Variants in NSMCE4A observed in about 807,000 individuals in gnomAD.
NSMCE4A encodes the protein NSE4A component of SMC5/6 complex.
Under a neutral mutation model 47.9 loss-of-function variants are expected in NSMCE4A, and 40 were observed. The observed-to-expected ratio is 0.83, with a 90% CI of 0.65 to 1.09. NSMCE4A has a LOEUF of 1.09. Among genes scored for constraint, NSMCE4A ranks in the 50% least tolerant of loss-of-function variants. NSMCE4A has a pLI of 0.00. For missense variants in NSMCE4A, 500 were observed against 507.0 expected (o/e 0.99, Z 0.13); for synonymous variants, 166 against 178.5 (o/e 0.93, Z 0.56).
rs965090875 is a variant in NSMCE4A at position 121,965,268 on chromosome 10, C to G, written c.753+18G>C. ...TAACTTTAATGTGTTTTTTTAAAAGCAACATTTTAAAACAAACCTGGGCAG... is the reference window on the plus strand; with the variant it reads ...TAACTTTAATGTGTTTTTTTAAAAGGAACATTTTAAAACAAACCTGGGCAG... On this transcript the variant is annotated intron_variant, in intron 5 of 10. Coordinates refer to ENST00000369023, the MANE Select transcript of NSMCE4A (RefSeq NM_017615.3). The G allele has an allele frequency of 1.7e-5, 26 of 1,547,656 alleles. No individual in the cohort carries two copies. Among genetic ancestry groups the G allele is most frequent in the Non-Finnish European group, 2.2e-5 (25 of 1,134,402 alleles).
intron 2 of NSMCE4A, 107 bp downstream of exon 2, chr10:121,973,897 G>A (rs2134796794): frequency 1.3e-6 from 1 of 743,272 alleles, no homozygotes; most frequent in Non-Finnish European, 2.3e-6. Context: ...AACTGGGAAA[G>A]CACTATTACA....
chr10:121,965,441 T>A, intron 4 of NSMCE4A, 56 bp from the exon 5 acceptor site: 1 of 1,303,116 alleles, frequency 7.7e-7, no homozygotes, highest in Non-Finnish European at 1.1e-6. Context: ...TTAAACAAAC[T>A]AACTTTACTA....
At chr10:121,965,433 A>G (rs12259144) in intron 4 of NSMCE4A, 48 bp from the exon 5 acceptor site, 238,901 of 1,445,784 alleles carry the variant, frequency 0.17, 20,425 homozygotes, top group Non-Finnish European at 0.18. Context: ...GTTGTTTGTT[A>G]AACAAACTAA....
intron 10 of NSMCE4A, among the ~76,000 whole-genome samples, chr10:121,958,825 C>CTTTTTTTTTTTTTTTTTT (rs778070060): frequency 2.7e-5 from 4 of 146,834 alleles, no homozygotes; most frequent in East Asian, 2.0e-4. Flanking sequence ...AGCTGCAAGT[C>CTTTTTTTTTTTTTTTTTT]TTTTTTTTGA....
chr10:121,967,312 T>C (rs564414821), intron 4 of NSMCE4A: 82 of 185,070 alleles, frequency 4.4e-4, no homozygotes, highest in African/African-American at 1.8e-3. Context: ...TCCTCCCACC[T>C]CAGCCTCCCA....
At chr10:121,963,403 AACTC>A (rs1201678748) in intron 5 of NSMCE4A, 75 bp from the exon 6 acceptor site, 3 of 805,700 alleles carry the variant, frequency 3.7e-6, no homozygotes, top group East Asian at 5.1e-5. Context: ...TGCACACCCA[AACTC>A]CTTTTCTTCT....
chr10:121,965,966 A>G (rs990966846), intron 4 of NSMCE4A: 4 of 152,218 alleles, frequency 2.6e-5, no homozygotes, highest in Non-Finnish European at 4.4e-5. Flanking sequence ...TGTGGTCCCT[A>G]CCCTTGAGGA....
chr10:121,974,311 C>T, intron 1 of NSMCE4A: 4 of 1,336,162 alleles, frequency 3.0e-6, no homozygotes, highest in Non-Finnish European at 3.8e-6. Context: ...CTAACCTTAA[C>T]CCAAAGGGCT....
At chr10:121,966,237 C>T (rs1356773467) in intron 4 of NSMCE4A, 1 of 152,178 alleles carries the variant, frequency 6.6e-6, no homozygotes, top group Non-Finnish European at 1.5e-5. Context: ...ACACTGCTAA[C>T]ACCTCTGTCT....
At chr10:121,968,629 T>C (rs1952649797) in intron 3 of NSMCE4A, among the ~76,000 whole-genome samples, 2 of 152,202 alleles carry the variant, frequency 1.3e-5, no homozygotes, top group South Asian at 4.1e-4. Flanking sequence ...ATGTGTTATA[T>C]TGAATTTACT....
rs1277373675 is a variant in NSMCE4A, at chr10:121,963,323, T to C, written c.759A>G (p.Arg253=). Residue 253 remains arginine (R), a synonymous_variant, in exon 6 of 11, where the codon AGA becomes AGG. Coordinates refer to ENST00000369023, the MANE Select transcript of NSMCE4A (RefSeq NM_017615.3). ...QEERAMPAQL[R]RMEESHQEAT... ...CTTCTTGATGAGATTCTTCCATTCTTCTTAACTGAAAAAAGTCATTATCAA... is the reference window on the plus strand; with the variant it reads ...CTTCTTGATGAGATTCTTCCATTCTCCTTAACTGAAAAAAGTCATTATCAA... The C allele has an allele frequency of 1.2e-6, 2 of 1,600,212 alleles. No homozygotes were observed. Among genetic ancestry groups the C allele is most frequent in the Non-Finnish European group, 1.7e-6 (2 of 1,168,718 alleles).
Position 121,959,552 on chromosome 10 carries a change from G to C in NSMCE4A, c.1032C>G (p.Asn344Lys). 6.2e-7 allele frequency: 1 copy of C among 1,614,080 alleles called. No homozygotes were observed. Among genetic ancestry groups the C allele is most frequent in the Non-Finnish European group, 8.5e-7 (1 of 1,179,964 alleles). Residue 344 changes from asparagine to lysine, a missense_variant, in exon 9 of 11, where the codon AAC becomes AAG. Coordinates refer to ENST00000369023, the MANE Select transcript of NSMCE4A (RefSeq NM_017615.3). ...TAATTCCTTGATTTCTAACTTGTGT[G>C]TTATGTTCAAATCCCTCATTTTCTT... ...INEENEGFEHNTQVRNQGIIA... is the reference protein window; with the variant it reads ...INEENEGFEHKTQVRNQGIIA...
rs1952588529 is a variant in NSMCE4A at position 121,965,385 on chromosome 10, C to G, written c.654G>C (p.Leu218=). The G allele has an allele frequency of 6.2e-7, 1 of 1,603,702 alleles. No homozygotes were observed. The highest frequency in any genetic ancestry group is 1.3e-5 in the African/African-American group (1 of 74,486). Residue 218 remains leucine (L), a splice_region_variant and synonymous_variant, in exon 5 of 11, where the codon CTG becomes CTC. Coordinates refer to ENST00000369023, the MANE Select transcript of NSMCE4A (RefSeq NM_017615.3). The part of the protein sequence containing the change: ...TFNKTHTFHF[L]LGSIYGECPV... Reference sequence around the variant, plus strand: ...GGCACTCTCCGTATATTGAACCCAACCTAATGAAAAGTATGCTTTCATTTA... The same window carrying G: ...GGCACTCTCCGTATATTGAACCCAAGCTAATGAAAAGTATGCTTTCATTTA...
At position 121,960,373 on chromosome 10, in the gene NSMCE4A, G is replaced by T; in HGVS notation, c.973C>A (p.Arg325=). Residue 325 remains arginine (R), a synonymous_variant, in exon 8 of 11, where the codon CGA becomes AGA. Transcript: ENST00000369023. The surrounding 1 kb of genome is among the most constrained non-coding windows in gnomAD (Gnocchi z 4.2). ...TATCATTTACCTATTACTGGCAGTCGGTCTTGGTCAAGTCTTATTCTTGCA... is the reference window on the plus strand; with the variant it reads ...TATCATTTACCTATTACTGGCAGTCTGTCTTGGTCAAGTCTTATTCTTGCA... ...GFARIRLDQD[R]LPVIEPVSIN... is the part of the protein sequence containing the mutation. 6.7e-7 allele frequency: 1 copy of T among 1,490,246 alleles called. No homozygotes were observed. The highest frequency in any genetic ancestry group is 1.5e-5 in the South Asian group (1 of 68,332). 92.3% of individuals were successfully genotyped at this position (1,490,246 alleles called of 1,614,324 possible). A position where few individuals can be genotyped will look rare whatever the true frequency, so the allele number is the denominator to read the frequency against.
chr10:121,957,415 CCTT>C lies in NSMCE4A; in HGVS notation c.*13-159_*13-157del, dbSNP rs200352057. 6.0e-3 allele frequency among the ~76,000 whole-genome samples: 841 copies of C among 140,142 alleles called. 4 individuals are homozygous for C. The highest frequency in any genetic ancestry group is 0.02 in the African/African-American group (789 of 38,720). The allele number at this position is 140,142 out of a possible 152,430, so 91.9% of individuals were successfully genotyped here. A position where few individuals can be genotyped will look rare whatever the true frequency, so the allele number is the denominator to read the frequency against. On this transcript the variant is annotated intron_variant, in intron 10 of 10. Transcript: ENST00000369023. ...TCTTAAATTTATTCCATATTTATTC[CCTT>C]CTTCTTTTTTCTTTTTTTTTTTTTT...
At position 121,969,702 on chromosome 10, in the gene NSMCE4A, T is replaced by C. The variant is rs536992841; in HGVS notation, c.501+1237A>G. On this transcript the variant is annotated intron_variant, in intron 3 of 10. Coordinates refer to ENST00000369023, the MANE Select transcript of NSMCE4A (RefSeq NM_017615.3). ...GTGCTAGGACAGAGGTTGGCTCAGA[T>C]TGACAGATTGACTGATTGATTGATT... is the stretch of plus-strand genomic sequence containing the variant. Among the ~76,000 whole-genome samples the C allele has an allele frequency of 5.9e-5, 9 of 152,148 alleles. No homozygotes were observed. The South Asian group carries it at 1.9e-3, about 32-fold the overall frequency.
chr10:121,975,139 C>T lies in NSMCE4A; in HGVS notation c.27G>A (p.Gly9=). 1 of 1,408,800 alleles carries T rather than the reference C, an allele frequency of 7.1e-7. No homozygotes were observed. Among genetic ancestry groups the T allele is most frequent in the Admixed American group, 3.7e-5 (1 of 26,896 alleles). The allele number at this position is 1,408,800 out of a possible 1,614,324, so 87.3% of individuals were successfully genotyped here. ...CGCGGCCCCGGCCCCGGCCCTCTGG[C>T]CCGCGGCCGCTGCTGTCCCCAGACA... MSGDSSGR[G]PEGRGRGRDP... Residue 9 remains glycine (G), a synonymous_variant, in exon 1 of 11, where the codon GGG becomes GGA. Transcript: ENST00000369023.
chr10:121,967,465 C>T (rs199519793), intron 4 of NSMCE4A, 190 bp downstream of exon 4: 27 of 567,650 alleles, frequency 4.8e-5, no homozygotes, highest in African/African-American at 1.7e-4. Context: ...GCCAAAGTGC[C>T]GGGATTACAG....
chr10:121,973,358 T>C (rs1316101947), intron 2 of NSMCE4A, among the ~76,000 whole-genome samples: 2 of 151,944 alleles, frequency 1.3e-5, no homozygotes, highest in Non-Finnish European at 2.9e-5. Context: ...TATGACCAAG[T>C]ACCCACATCA....
Sources: gnomAD v4.1 joint callset for allele counts (sites outside exome capture counted in the v4.1 genomes callset) on GRCh38, gnomAD v4.1.1 for gene constraint, Gnocchi (gnomAD v3.1) non-coding constraint, MANE v1.5 for transcripts, NCBI Gene and HGNC (gene_info 2026-07-23, HGNC 2026-07-21) for gene names.